The following SDK1 variants were observed in gnomAD, a reference collection of about 807,000 sequenced individuals.
The protein encoded by SDK1 is protein sidekick-1.
SDK1 carries 157 observed loss-of-function variants against 245.5 expected under a neutral mutation model. The ratio of observed to expected loss-of-function variants is 0.64; its 90% confidence interval spans 0.56 to 0.73. The LOEUF is 0.73. Ranked by LOEUF, SDK1 falls within the 30% of genes least tolerant of loss-of-function variation. The probability of loss-of-function intolerance (pLI) is 0.00; values close to 1 mark genes in which losing one functional copy is unlikely to be tolerated. For synonymous variants in SDK1, 1,647 were observed against 1,278.5 expected (o/e 1.29, Z -6.15); for missense variants, 3,583 against 3,002.3 (o/e 1.19, Z -4.52).
At chr7:3,515,481 C>A (rs994746848) in intron 1 of SDK1, among the ~76,000 whole-genome samples, 1 of 152,104 alleles carries the variant, frequency 6.6e-6, no homozygotes, top group African/African-American at 2.4e-5. Flanking sequence ...TCTGTAACTT[C>A]ATGAATGATT....
intron 44 of SDK1, among the ~76,000 whole-genome samples, chr7:4,262,338 G>T (rs140465058): frequency 6.6e-6 from 1 of 151,642 alleles, no homozygotes; most frequent in Admixed American, 6.6e-5. Context: ...CTCCTTTAAC[G>T]GTCCTTCCAA....
chr7:3,427,066 G>T (rs575740134), intron 1 of SDK1, among the ~76,000 whole-genome samples: 55 of 152,304 alleles, frequency 3.6e-4, no homozygotes, highest in African/African-American at 1.3e-3. Flanking sequence ...CTGTAACAGT[G>T]ATGGTTCAAG....
intron 1 of SDK1, among the ~76,000 whole-genome samples, chr7:3,438,559 T>C (rs1780096737): frequency 1.3e-5 from 2 of 152,214 alleles, no homozygotes. Flanking sequence ...GTGTCAGTGC[T>C]GCTGATGGCA....
chr7:3,477,189 CTTTTTTTTTTTTTT>C (rs35328849), intron 1 of SDK1, among the ~76,000 whole-genome samples: 1 of 78,626 alleles, frequency 1.3e-5, no homozygotes, highest in South Asian at 5.3e-4. Flanking sequence ...TGGTTTTCTC[CTTTTTTTTTTTTTT>C]TTTTTTTTTT....
In SDK1 at chr7:3,672,382, G is replaced by A. The variant is rs538854036; in HGVS notation, c.713+30277G>A. On this transcript the variant is annotated intron_variant, in intron 4 of 44. Transcript: ENST00000404826. ...CTCTCTGTTTCTTGCCGTTACTGGAGGTAAGCCAACATGAAAGATGAAAGC... is the reference window on the plus strand; with the variant it reads ...CTCTCTGTTTCTTGCCGTTACTGGAAGTAAGCCAACATGAAAGATGAAAGC... 7.9e-5 allele frequency among the ~76,000 whole-genome samples: 12 copies of A among 151,524 alleles called. 1 individual carries two copies. Among genetic ancestry groups the A allele is most frequent in the African/African-American group, 2.9e-4 (12 of 41,236 alleles).
intron 5 of SDK1, among the ~76,000 whole-genome samples, chr7:3,869,721 A>C (rs942578034): frequency 2.6e-5 from 4 of 152,230 alleles, no homozygotes; most frequent in South Asian, 4.1e-4. Flanking sequence ...CTCACCTGAC[A>C]TTGAGAGACA....
At position 4,233,284 on chromosome 7, in the gene SDK1, G is replaced by T; in HGVS notation, c.5857G>T (p.Asp1953Tyr). The T allele has an allele frequency of 6.2e-7, 1 of 1,613,876 alleles. No individual in the cohort carries two copies. The highest frequency in any genetic ancestry group is 1.3e-5 in the African/African-American group (1 of 75,050). Residue 1953 changes from aspartate to tyrosine, a missense_variant, in exon 41 of 45, where the codon GAC becomes TAC. Asp to Tyr is a radical substitution (Grantham distance 160). Transcript: ENST00000404826. ...DEGLWDMFVK[D>Y]IPRSATSYTL... The stretch of plus-strand genomic sequence containing the variant: ...AGGCTTATGGGACATGTTTGTGAAG[G>T]ACATCCCGCGGAGCGCCACATCCTA...
chr7:3,748,307 G>T (rs757534621), intron 4 of SDK1, among the ~76,000 whole-genome samples: 1 of 151,866 alleles, frequency 6.6e-6, no homozygotes, highest in Non-Finnish European at 1.5e-5. Context: ...TTTATTTCCC[G>T]GATTCTCTAA....
intron 1 of SDK1, among the ~76,000 whole-genome samples, chr7:3,534,923 A>C (rs1409842388): frequency 6.6e-6 from 1 of 152,194 alleles, no homozygotes; most frequent in Non-Finnish European, 1.5e-5. Context: ...AGACAGCGCC[A>C]GTCAGTGGAC....
At chr7:4,184,875 C>A (rs1472126820) in intron 35 of SDK1, among the ~76,000 whole-genome samples, 1 of 152,176 alleles carries the variant, frequency 6.6e-6, no homozygotes, top group East Asian at 1.9e-4. Context: ...CTCCATGTGG[C>A]CTCTTGGATC....
intron 5 of SDK1, among the ~76,000 whole-genome samples, chr7:3,916,439 TC>T (rs1276022814): frequency 1.3e-5 from 2 of 152,244 alleles, no homozygotes; most frequent in Non-Finnish European, 2.9e-5. Flanking sequence ...GTTTCTATTT[TC>T]CTTGCACACG....
intron 1 of SDK1, among the ~76,000 whole-genome samples, chr7:3,495,991 C>T (rs1351164963): frequency 6.6e-6 from 1 of 152,158 alleles, no homozygotes; most frequent in Non-Finnish European, 1.5e-5. Context: ...TCTCAGTGGC[C>T]CGTCACTATA....
chr7:3,538,720 A>C (rs1015871171), intron 1 of SDK1, among the ~76,000 whole-genome samples: 2 of 152,142 alleles, frequency 1.3e-5, no homozygotes, highest in Non-Finnish European at 2.9e-5. Context: ...ACAGGAGTTT[A>C]TACTCTCTAT....
At chr7:3,565,327 C>T (rs1183847746) in intron 1 of SDK1, among the ~76,000 whole-genome samples, 1 of 152,118 alleles carries the variant, frequency 6.6e-6, no homozygotes, top group African/African-American at 2.4e-5. Context: ...TCTGTCAGAC[C>T]TATTCAACAG....
At chr7:4,033,857 C>G (rs1384530250) in intron 17 of SDK1, among the ~76,000 whole-genome samples, 1 of 152,130 alleles carries the variant, frequency 6.6e-6, no homozygotes, top group Non-Finnish European at 1.5e-5. Flanking sequence ...GATACAACCC[C>G]TAATTAATTC....
chr7:3,919,896 C>T (rs957017002), intron 5 of SDK1, among the ~76,000 whole-genome samples: 7 of 152,146 alleles, frequency 4.6e-5, no homozygotes, highest in Non-Finnish European at 1.0e-4. Context: ...CAGCAAAACA[C>T]CAATCAGATG....
chr7:3,386,363 C>T lies in SDK1; in HGVS notation c.298+84479C>T, dbSNP rs151154343. Among the ~76,000 whole-genome samples, 1,059 of 152,148 alleles carry T rather than the reference C, an allele frequency of 7.0e-3. 14 individuals are homozygous for T. The highest frequency in any genetic ancestry group is 0.024 in the African/African-American group (1,016 of 41,490). The stretch of plus-strand genomic sequence containing the variant: ...TATTTTATGTAAAACAAAGATGTTG[C>T]CTTTAAAAGAGTTAAAGTTGAAGTT... On this transcript the variant is annotated intron_variant, in intron 1 of 44. Transcript: ENST00000404826.
At chr7:4,183,657 A>AT (rs1260362000) in intron 35 of SDK1, among the ~76,000 whole-genome samples, 1 of 151,848 alleles carries the variant, frequency 6.6e-6, no homozygotes, top group African/African-American at 2.4e-5. Flanking sequence ...AAAAAAAAAA[A>AT]AAGAAAGTAT....
intron 4 of SDK1, among the ~76,000 whole-genome samples, chr7:3,766,589 T>A (rs1016675643): frequency 6.6e-6 from 1 of 152,164 alleles, no homozygotes; most frequent in Non-Finnish European, 1.5e-5. Flanking sequence ...AGAGCAGTAC[T>A]TTTAGTAAGG....
Sources: allele counts gnomAD v4.1 joint callset (sites outside exome capture counted in the v4.1 genomes callset), GRCh38; gene constraint gnomAD v4.1.1; transcripts MANE v1.5; gene names NCBI Gene and HGNC (gene_info 2026-07-23, HGNC 2026-07-21).